FBXW7: variants seen among roughly 807,000 people sequenced by gnomAD.
FBXW7 encodes F-box and WD repeat domain containing 7.
In FBXW7, 11 loss-of-function variants were observed where a neutral mutation model predicts 86.3. The observed-to-expected ratio is 0.13, with a 90% CI of 0.08 to 0.21. The LOEUF is 0.21. Among genes scored for constraint, FBXW7 ranks in the 10% least tolerant of loss-of-function variants. The probability of loss-of-function intolerance (pLI) is 1.00; values close to 1 mark genes in which losing one functional copy is unlikely to be tolerated. For missense variants in FBXW7, 488 were observed against 847.4 expected, an observed-to-expected ratio of 0.58 and a Z score of 5.27; for synonymous variants, 313 against 297.9, an observed-to-expected ratio of 1.05 and a Z score of -0.52.
chr4:152,348,842 A>T (rs1731520386), intron 5 of FBXW7: 1 of 257,212 alleles, frequency 3.9e-6, no homozygotes, highest in Admixed American at 5.3e-5. Context: ...CTATCCCTCC[A>T]CACCCTCTGG....
At chr4:152,419,442 T>A (rs77484458) in intron 2 of FBXW7, among the ~76,000 whole-genome samples, 4,608 of 149,134 alleles carry the variant, frequency 0.031, 120 homozygotes, top group African/African-American at 0.062. Context: ...ACCACATCAC[T>A]TTTGGATCTC....
intron 2 of FBXW7, among the ~76,000 whole-genome samples, chr4:152,531,049 G>T (rs1368944274): frequency 6.6e-6 from 1 of 152,014 alleles, no homozygotes; most frequent in Admixed American, 6.6e-5. Flanking sequence ...GGGTCATCTG[G>T]TGGGTGCTAA....
At chr4:152,383,152 T>C (rs1735240020) in intron 4 of FBXW7, among the ~76,000 whole-genome samples, 1 of 152,176 alleles carries the variant, frequency 6.6e-6, no homozygotes, top group African/African-American at 2.4e-5. Flanking sequence ...CCCAACTGAT[T>C]AAAGACATGT....
chr4:152,362,172 TC>T (rs1733026328), intron 4 of FBXW7, among the ~76,000 whole-genome samples: 1 of 152,096 alleles, frequency 6.6e-6, no homozygotes, highest in Non-Finnish European at 1.5e-5. Context: ...TAAGAACTGC[TC>T]CTGATATGAA....
At chr4:152,415,962 A>G (rs1292864267) in intron 2 of FBXW7, among the ~76,000 whole-genome samples, 3 of 152,066 alleles carry the variant, frequency 2.0e-5, no homozygotes, top group African/African-American at 7.2e-5. Flanking sequence ...CTTTGTCCTG[A>G]CTTTACTCAT....
At chr4:152,501,755 A>G (rs1416994167) in intron 2 of FBXW7, among the ~76,000 whole-genome samples, 1 of 152,144 alleles carries the variant, frequency 6.6e-6, no homozygotes, top group Non-Finnish European at 1.5e-5. Flanking sequence ...AAGAGCTATT[A>G]AACAAAATTA....
chr4:152,460,230 TAGA>T (rs1742818391), intron 2 of FBXW7, among the ~76,000 whole-genome samples: 1 of 152,232 alleles, frequency 6.6e-6, no homozygotes, highest in African/African-American at 2.4e-5. Flanking sequence ...GTTCATAAGT[TAGA>T]AGACTATTAA....
At chr4:152,406,165 T>C (rs1737404898) in intron 4 of FBXW7, among the ~76,000 whole-genome samples, 3 of 152,256 alleles carry the variant, frequency 2.0e-5, no homozygotes, top group African/African-American at 7.2e-5. Context: ...AGATAACTAT[T>C]TGTGATATTT....
At position 152,362,533 on chromosome 4, in the gene FBXW7, G is replaced by A. The variant is rs563367424; in HGVS notation, c.502-12409C>T. On this transcript the variant is annotated intron_variant, in intron 4 of 13. Transcript: ENST00000281708. ...GCATATTAAAAAAGAACTTAGGGCC[G>A]GGCGCAGTGGCTCATGCCTGTAATC... Among the ~76,000 whole-genome samples the A allele has an allele frequency of 1.3e-4, 20 of 152,114 alleles. No homozygotes were observed. In the East Asian group the frequency reaches 1.4e-3, roughly 10 times the overall value.
intron 2 of FBXW7, among the ~76,000 whole-genome samples, chr4:152,520,617 T>A (rs1748927829): frequency 6.6e-6 from 1 of 152,090 alleles, no homozygotes; most frequent in Non-Finnish European, 1.5e-5. Flanking sequence ...GACCAGTCCT[T>A]ATTTAACACT....
In FBXW7 at chr4:152,365,132, T is replaced by C. The variant is rs368023367; in HGVS notation, c.502-15008A>G. 3.3e-5 allele frequency among the ~76,000 whole-genome samples: 5 copies of C among 152,226 alleles called. No individual in the cohort carries two copies. In the East Asian group the frequency reaches 5.8e-4, roughly 18 times the overall value. On this transcript the variant is annotated intron_variant, in intron 4 of 13. Coordinates refer to ENST00000281708, the MANE Select transcript of FBXW7 (RefSeq NM_001349798.2). ...GGGTTCACAGAAGGCATCTTCTCGCTGAATGAATGACTGAGCTAGGTTCGG... is the reference window on the plus strand; with the variant it reads ...GGGTTCACAGAAGGCATCTTCTCGCCGAATGAATGACTGAGCTAGGTTCGG...
chr4:152,392,614 TA>T (rs1471913234), intron 4 of FBXW7, among the ~76,000 whole-genome samples: 4 of 152,042 alleles, frequency 2.6e-5, no homozygotes, highest in Non-Finnish European at 5.9e-5. Flanking sequence ...CAATGAGAAA[TA>T]ATAAAATTCT....
intron 2 of FBXW7, among the ~76,000 whole-genome samples, chr4:152,473,009 T>TA (rs1385210543): frequency 3.9e-5 from 6 of 151,998 alleles, no homozygotes; most frequent in Non-Finnish European, 8.8e-5. Context: ...CTACTAATGA[T>TA]AAAAAAAATT....
chr4:152,324,488 G>A (rs921292603), intron 12 of FBXW7, 94 bp from the exon 13 acceptor site: 1 of 1,028,414 alleles, frequency 9.7e-7, no homozygotes, highest in African/African-American at 1.6e-5. Flanking sequence ...AAGAGGATGG[G>A]AAACAGGTAA....
At position 152,329,785 on chromosome 4, in the gene FBXW7, C is replaced by A; in HGVS notation, c.1123G>T (p.Val375Leu). 1 of 1,526,420 alleles carries A rather than the reference C, an allele frequency of 6.6e-7. No homozygotes were observed. Among genetic ancestry groups the A allele is most frequent in the Non-Finnish European group, 8.8e-7 (1 of 1,135,690 alleles). The allele number at this position is 1,526,420 out of a possible 1,614,324, so 94.6% of individuals were successfully genotyped here. A position where few individuals can be genotyped will look rare whatever the true frequency, so the allele number is the denominator to read the frequency against. Residue 375 changes from valine (V) to leucine (L), a missense_variant and splice_region_variant, in exon 10 of 14, where the codon GTG becomes TTG. Physicochemically the swap from Val to Leu is conservative, Grantham distance 32. Transcript: ENST00000281708. The part of the protein sequence containing the change: ...WRRGELKSPK[V>L]LKGHDDHVIT... ...ACATGATCATCATGTCCTTTCAGCA[C>A]CTATAAGAAAGATGTGCAGATTAGA...
chr4:152,362,828 C>CCAAAAAA (rs771013471), intron 4 of FBXW7, among the ~76,000 whole-genome samples: 1 of 79,144 alleles, frequency 1.3e-5, no homozygotes, highest in Admixed American at 1.5e-4. Context: ...CTCTCTCTCT[C>CCAAAAAA]AAAAAAAAAA....
At chr4:152,380,726 G>A (rs145215419) in intron 4 of FBXW7, among the ~76,000 whole-genome samples, 1 of 151,984 alleles carries the variant, frequency 6.6e-6, no homozygotes, top group African/African-American at 2.4e-5. Context: ...TCTCCCATAT[G>A]TACTTGTTTA....
intron 4 of FBXW7, among the ~76,000 whole-genome samples, chr4:152,387,627 T>C (rs1339312737): frequency 1.7e-5 from 2 of 116,948 alleles, no homozygotes; most frequent in Admixed American, 8.5e-5. Context: ...AAAAAAAACA[T>C]CCAGCAAGCA....
chr4:152,357,212 G>A (rs1006759825), intron 4 of FBXW7, among the ~76,000 whole-genome samples: 5 of 152,144 alleles, frequency 3.3e-5, no homozygotes, highest in South Asian at 4.1e-4. Flanking sequence ...GGGGGAAGGG[G>A]ATGTTTATAA....
Sources: allele counts gnomAD v4.1 joint callset (sites outside exome capture counted in the v4.1 genomes callset), GRCh38; gene constraint gnomAD v4.1.1; transcripts MANE v1.5; gene names NCBI Gene and HGNC (gene_info 2026-07-23, HGNC 2026-07-21).